KAT6A: variants seen among roughly 807,000 people sequenced by gnomAD.
KAT6A encodes histone acetyltransferase KAT6A.
In KAT6A, 9 loss-of-function variants were observed where a neutral mutation model predicts 198.4. The observed-to-expected ratio is 0.05, with a 90% CI of 0.03 to 0.08. KAT6A has a LOEUF of 0.08. KAT6A is among the 10% of genes least tolerant of loss of function. The pLI is 1.00. For synonymous variants in KAT6A, 890 were observed against 883.0 expected (o/e 1.01, Z -0.14); for missense variants, 2,077 against 2,509.9 (o/e 0.83, Z 3.69).
intron 2 of KAT6A, 32 bp from the exon 3 acceptor site, chr8:41,987,595 T>G: frequency 8.2e-7 from 1 of 1,225,822 alleles, no homozygotes; most frequent in African/African-American, 1.5e-5. Context: ...ATTCCAGTAC[T>G]AATACTTTTA....
chr8:41,937,597 A>C (rs1054903694), intron 15 of KAT6A, 29 bp from the exon 16 acceptor site: 1 of 1,502,100 alleles, frequency 6.7e-7, no homozygotes, highest in African/African-American at 1.4e-5. Context: ...AAGTATTTAC[A>C]GTTATGAACA....
intron 8 of KAT6A, among the ~76,000 whole-genome samples, chr8:41,964,627 G>GAA (rs61710510): frequency 2.5e-4 from 33 of 130,918 alleles, no homozygotes; most frequent in Non-Finnish European, 4.5e-4. Flanking sequence ...TCCAAAATCT[G>GAA]AAAAAAAAAA....
At chr8:42,047,211 A>G (rs891911440) in intron 2 of KAT6A, among the ~76,000 whole-genome samples, 2 of 152,224 alleles carry the variant, frequency 1.3e-5, no homozygotes, top group African/African-American at 4.8e-5. Flanking sequence ...TATAATTCAG[A>G]GCACCTTAAG....
intron 2 of KAT6A, among the ~76,000 whole-genome samples, chr8:41,993,246 G>C (rs1245334576): frequency 6.6e-6 from 1 of 152,158 alleles, no homozygotes; most frequent in African/African-American, 2.4e-5. Flanking sequence ...CTTAGAGCTG[G>C]ATAGACAGTT....
In KAT6A at chr8:41,981,958, A is replaced by G. The variant is rs1201762635; in HGVS notation, c.710-4T>C. 1 of 1,536,818 alleles carries G rather than the reference A, an allele frequency of 6.5e-7. No individual in the cohort carries two copies. The highest frequency in any genetic ancestry group is 9.0e-7 in the Non-Finnish European group (1 of 1,110,102). On this transcript the variant is annotated splice_polypyrimidine_tract_variant and splice_region_variant and intron_variant, in intron 3 of 16. Transcript: ENST00000265713. ...AACTTTAAACAGGATGGATGGCCTA[A>G]TACGAGGGAGAACATTCATGAATGA...
chr8:42,048,474 C>T lies in KAT6A; in HGVS notation c.504G>A (p.Arg168=). ...CCACGTTGGTTGCTTTAGTGTTGAG[C>T]CGATAAAGAGGTCCATCTTTAAGGA... ...GRLLKDGPLY[R]LNTKATNVDG... Residue 168 remains arginine (R), a synonymous_variant, in exon 2 of 17, where the codon CGG becomes CGA. Coordinates refer to ENST00000265713, the MANE Select transcript of KAT6A (RefSeq NM_006766.5). 6.2e-7 allele frequency: 1 copy of T among 1,614,158 alleles called. No homozygotes were observed. The highest frequency in any genetic ancestry group is 8.5e-7 in the Non-Finnish European group (1 of 1,179,994).
At chr8:41,949,488 T>C (rs1318660367) in intron 9 of KAT6A, 125 bp from the exon 10 acceptor site, 2 of 541,960 alleles carry the variant, frequency 3.7e-6, no homozygotes, top group African/African-American at 2.0e-5. Context: ...AAACTGCATA[T>C]GCAAAAATAC....
intron 8 of KAT6A, among the ~76,000 whole-genome samples, chr8:41,967,895 T>G (rs1447810026): frequency 6.6e-6 from 1 of 152,080 alleles, no homozygotes; most frequent in Non-Finnish European, 1.5e-5. Context: ...ATTTAATAAA[T>G]GGTGCTGGGA....
intron 15 of KAT6A, among the ~76,000 whole-genome samples, chr8:41,940,081 G>A (rs1822034506): frequency 6.6e-6 from 1 of 152,218 alleles, no homozygotes; most frequent in Non-Finnish European, 1.5e-5. Context: ...GGAAAGGAAC[G>A]ATTGTGCTGC....
chr8:42,031,049 AC>A (rs1827091990), intron 2 of KAT6A, among the ~76,000 whole-genome samples: 1 of 108,146 alleles, frequency 9.2e-6, no homozygotes, highest in Non-Finnish European at 1.8e-5. Flanking sequence ...GGGGGGGGGG[AC>A]AGGAGAAATG....
intron 2 of KAT6A, among the ~76,000 whole-genome samples, chr8:41,992,793 A>C (rs1440867160): frequency 6.6e-6 from 1 of 152,236 alleles, no homozygotes; most frequent in Non-Finnish European, 1.5e-5. Context: ...TACCAAAATT[A>C]ACATATTTAA....
chr8:41,955,286 C>A lies in KAT6A; in HGVS notation c.1598+10G>T, dbSNP rs781053411. 1.3e-6 allele frequency: 2 copies of A among 1,531,692 alleles called. No homozygotes were observed. The highest frequency in any genetic ancestry group is 1.4e-5 in the African/African-American group (1 of 73,268). The allele number at this position is 1,531,692 out of a possible 1,614,324, so 94.9% of individuals were successfully genotyped here. A position where few individuals can be genotyped will look rare whatever the true frequency, so the allele number is the denominator to read the frequency against. ...TCAAAACAGAAGGTCAAGGGTCTCTCAAAACATACCTTGAGTATTCTTGAG... is the reference window on the plus strand; with the variant it reads ...TCAAAACAGAAGGTCAAGGGTCTCTAAAAACATACCTTGAGTATTCTTGAG... On this transcript the variant is annotated intron_variant, in intron 9 of 16. Transcript: ENST00000265713.
chr8:42,009,894 CAAAAAA>C (rs538642816), intron 2 of KAT6A, among the ~76,000 whole-genome samples: 3 of 49,064 alleles, frequency 6.1e-5, no homozygotes, highest in Non-Finnish European at 1.2e-4. Context: ...AGCCCTGTCT[CAAAAAA>C]AAAAAAAAAA....
rs140691340 is a variant in KAT6A at position 41,973,481 on chromosome 8, A to G, written c.1482+1223T>C. ...GTGATCCACCCGCCTCGGCCTCCCA[A>G]TGTGCTGGGATTACAGGGGTGAGCC... is the stretch of plus-strand genomic sequence containing the variant. On this transcript the variant is annotated intron_variant, in intron 8 of 16. Transcript: ENST00000265713. Among the ~76,000 whole-genome samples the G allele has an allele frequency of 5.3e-3, 813 of 152,234 alleles. 8 individuals carry two copies. The highest frequency in any genetic ancestry group is 0.019 in the African/African-American group (780 of 41,532).
At chr8:42,043,653 A>G (rs1415857272) in intron 2 of KAT6A, 1 of 152,236 alleles carries the variant, frequency 6.6e-6, no homozygotes, top group African/African-American at 2.4e-5. Context: ...TCCTTTAACA[A>G]TTAGGAAATG....
chr8:41,934,647 G>A lies in KAT6A; in HGVS notation c.3573C>T (p.Pro1191=). 1 of 1,614,122 alleles carries A rather than the reference G, an allele frequency of 6.2e-7. No homozygotes were observed. Among genetic ancestry groups the A allele is most frequent in the Non-Finnish European group, 8.5e-7 (1 of 1,180,026 alleles). The change falls in exon 17 of 17, where the codon CCC becomes CCT. Residue 1191 remains proline (P), a synonymous_variant. Transcript: ENST00000265713. ...PVSTQACVIE[P]IVSIPKAGRK... is the part of the protein sequence containing the mutation. ...GTCCAGCTTTAGGAATGGAAACGATGGGCTCAATGACGCATGCTTGAGTAG... is the reference window on the plus strand; with the variant it reads ...GTCCAGCTTTAGGAATGGAAACGATAGGCTCAATGACGCATGCTTGAGTAG...
intron 2 of KAT6A, among the ~76,000 whole-genome samples, chr8:41,995,516 A>C (rs535654376): frequency 6.6e-6 from 1 of 152,310 alleles, no homozygotes; most frequent in Non-Finnish European, 1.5e-5. Context: ...TTTTAAAAAC[A>C]GGAACAGTAA....
chr8:41,963,693 T>C (rs1008528638), intron 8 of KAT6A, among the ~76,000 whole-genome samples: 2 of 152,188 alleles, frequency 1.3e-5, no homozygotes, highest in African/African-American at 4.8e-5. Flanking sequence ...AAAATACAAA[T>C]ATGATGTCAT....
intron 6 of KAT6A, among the ~76,000 whole-genome samples, chr8:41,978,259 G>A (rs1824164762): frequency 2.0e-5 from 3 of 152,232 alleles, no homozygotes; most frequent in South Asian, 4.1e-4. Context: ...AAATGTCACA[G>A]TAACAACTTT....
Sources: gnomAD v4.1 joint callset for allele counts (sites outside exome capture counted in the v4.1 genomes callset) on GRCh38, gnomAD v4.1.1 for gene constraint, MANE v1.5 for transcripts, NCBI Gene and HGNC (gene_info 2026-07-23, HGNC 2026-07-21) for gene names.